The following MAN1A1 variants were observed in gnomAD, a reference collection of about 807,000 sequenced individuals.
MAN1A1 encodes the protein mannosidase alpha class 1A member 1.
In MAN1A1, 29 loss-of-function variants were observed where a neutral mutation model predicts 70.8. The ratio of observed to expected loss-of-function variants is 0.41; its 90% CI spans 0.31 to 0.56. The LOEUF is 0.56. Ranked by LOEUF, MAN1A1 falls within the 20% of genes least tolerant of loss-of-function variation. MAN1A1 has a pLI of 0.29. For missense variants in MAN1A1, 747 were observed against 841.3 expected (o/e 0.89, Z 1.39); for synonymous variants, 349 against 330.1 (o/e 1.06, Z -0.62).
chr6:119,208,545 CAAG>C lies in MAN1A1; in HGVS notation c.993-3666_993-3664del, dbSNP rs534999608. Among the ~76,000 whole-genome samples, 23 of 152,246 alleles carry C rather than the reference CAAG, an allele frequency of 1.5e-4. No individual in the cohort carries two copies. The East Asian group carries it at 3.9e-3, about 26-fold the overall frequency. ...CATTTCATCCTACTTTACTCAAAAA[CAAG>C]AAGGCATAATTATTTACAGACCTCA... is the stretch of plus-strand genomic sequence containing the variant. On this transcript the variant is annotated intron_variant, in intron 6 of 12. Coordinates refer to ENST00000368468, the MANE Select transcript of MAN1A1 (RefSeq NM_005907.4).
intron 8 of MAN1A1, among the ~76,000 whole-genome samples, chr6:119,199,817 C>T (rs1773668794): frequency 6.6e-6 from 1 of 151,356 alleles, no homozygotes; most frequent in East Asian, 1.9e-4. Context: ...GGCGGGGGGC[C>T]GAGGTGGGAA....
chr6:119,193,686 A>G, intron 9 of MAN1A1, 91 bp downstream of exon 9: 1 of 744,384 alleles, frequency 1.3e-6, no homozygotes, highest in Non-Finnish European at 2.2e-6. Context: ...TAACTCACTC[A>G]TGTAGTATAC....
At chr6:119,326,838 A>C (rs754522974) in intron 2 of MAN1A1, among the ~76,000 whole-genome samples, 6 of 152,174 alleles carry the variant, frequency 3.9e-5, no homozygotes, top group African/African-American at 1.4e-4. Flanking sequence ...GGGGATTACA[A>C]TTCAAATGAG....
intron 6 of MAN1A1, 78 bp from the exon 7 acceptor site, chr6:119,204,960 A>G: frequency 1.3e-6 from 2 of 1,485,640 alleles, no homozygotes; most frequent in East Asian, 4.6e-5. Flanking sequence ...GACATGAAAT[A>G]GACAGCTTTT....
chr6:119,234,578 T>C (rs1357780666), intron 6 of MAN1A1, among the ~76,000 whole-genome samples: 5 of 152,076 alleles, frequency 3.3e-5, no homozygotes, highest in African/African-American at 1.2e-4. Flanking sequence ...CATGCCCGGC[T>C]AATTTTTGAA....
intron 5 of MAN1A1, among the ~76,000 whole-genome samples, chr6:119,264,221 G>A (rs904316024): frequency 6.6e-6 from 1 of 152,114 alleles, no homozygotes; most frequent in Non-Finnish European, 1.5e-5. Context: ...CTGAGAGCAG[G>A]GCTTATACAT....
chr6:119,291,512 T>A (rs1291650907), intron 4 of MAN1A1, among the ~76,000 whole-genome samples: 3 of 136,000 alleles, frequency 2.2e-5, no homozygotes, highest in Admixed American at 1.4e-4. Flanking sequence ...TGTGTAAACA[T>A]AATGGGGCCA....
At chr6:119,279,853 A>G (rs963574986) in intron 5 of MAN1A1, among the ~76,000 whole-genome samples, 1 of 152,200 alleles carries the variant, frequency 6.6e-6, no homozygotes, top group Non-Finnish European at 1.5e-5. Context: ...TCAATCAAAA[A>G]CAATTTGGAT....
rs72497715 is a variant in MAN1A1 at position 119,200,262 on chromosome 6, T to C, written c.1210+992A>G. Among the ~76,000 whole-genome samples the C allele has an allele frequency of 4.8e-3, 727 of 152,304 alleles. 30 individuals carry two copies. The East Asian group carries it at 0.096, about 20-fold the overall frequency. On this transcript the variant is annotated intron_variant, in intron 8 of 12. Transcript: ENST00000368468. ...ATACTAGTATTATAATAAAAATATTTTTGACCTTGTGGGCCTCCTCAGAGG... is the reference window on the plus strand; with the variant it reads ...ATACTAGTATTATAATAAAAATATTCTTGACCTTGTGGGCCTCCTCAGAGG...
intron 5 of MAN1A1, among the ~76,000 whole-genome samples, chr6:119,261,845 T>C (rs1166868783): frequency 6.6e-6 from 1 of 152,262 alleles, no homozygotes; most frequent in East Asian, 1.9e-4. Flanking sequence ...CAGACAAGAA[T>C]CATCCTAAGT....
At chr6:119,269,211 A>C in intron 5 of MAN1A1, 1 of 238,722 alleles carries the variant, frequency 4.2e-6, no homozygotes, top group South Asian at 4.0e-5. Flanking sequence ...CTGTTTACAT[A>C]GCCTCATAAG....
chr6:119,243,928 A>G (rs538481140), intron 6 of MAN1A1, among the ~76,000 whole-genome samples: 2 of 152,152 alleles, frequency 1.3e-5, no homozygotes, highest in African/African-American at 4.8e-5. Context: ...GCTCTACTAA[A>G]TGTAACACCA....
chr6:119,272,864 CTTTA>C (rs1156923875), intron 5 of MAN1A1, among the ~76,000 whole-genome samples: 6 of 152,108 alleles, frequency 3.9e-5, no homozygotes, highest in African/African-American at 9.7e-5. Context: ...TATGACCAAT[CTTTA>C]TTTAAGCTTT....
intron 2 of MAN1A1, among the ~76,000 whole-genome samples, chr6:119,344,696 C>A (rs1182454609): frequency 2.0e-5 from 3 of 152,148 alleles, no homozygotes; most frequent in Admixed American, 6.5e-5. Flanking sequence ...TTTTAACCTG[C>A]CAAGGCAGAT....
At chr6:119,257,504 C>T (rs144902994) in intron 5 of MAN1A1, among the ~76,000 whole-genome samples, 2 of 151,744 alleles carry the variant, frequency 1.3e-5, no homozygotes, top group East Asian at 1.9e-4. Context: ...CATATATGAA[C>T]GACAACATCA....
In MAN1A1 at chr6:119,193,772, G is replaced by A; in HGVS notation, c.1326+5C>T. Reference sequence around the variant, plus strand: ...GTGGCAAAGATGATTTAAATATTGGGTTACCTGAACAGCATCAAAATACAT... The same window carrying A: ...GTGGCAAAGATGATTTAAATATTGGATTACCTGAACAGCATCAAAATACAT... On this transcript the variant is annotated splice_donor_5th_base_variant and intron_variant, in intron 9 of 12. Transcript: ENST00000368468. 1 of 1,598,162 alleles carries A rather than the reference G, an allele frequency of 6.3e-7. No individual in the cohort carries two copies. The highest frequency in any genetic ancestry group is 8.6e-7 in the Non-Finnish European group (1 of 1,167,822).
At chr6:119,288,149 C>A (rs534094916) in intron 5 of MAN1A1, among the ~76,000 whole-genome samples, 1 of 152,058 alleles carries the variant, frequency 6.6e-6, no homozygotes, top group South Asian at 2.1e-4. Flanking sequence ...ACACATATCA[C>A]AAATCAGTAG....
intron 6 of MAN1A1, among the ~76,000 whole-genome samples, chr6:119,226,025 A>G (rs1397840908): frequency 6.6e-6 from 1 of 152,138 alleles, no homozygotes; most frequent in East Asian, 1.9e-4. Flanking sequence ...ATCTATCTGA[A>G]TTTTTTCGCA....
chr6:119,343,494 T>C (rs1460847762), intron 2 of MAN1A1, among the ~76,000 whole-genome samples: 1 of 152,154 alleles, frequency 6.6e-6, no homozygotes, highest in East Asian at 1.9e-4. Context: ...ATCTGAGATT[T>C]AAAGTTATCA....
Sources: gnomAD v4.1 joint callset for allele counts (sites outside exome capture counted in the v4.1 genomes callset) on GRCh38, gnomAD v4.1.1 for gene constraint, MANE v1.5 for transcripts, NCBI Gene and HGNC (gene_info 2026-07-23, HGNC 2026-07-21) for gene names.